GABRR3: variants seen among roughly 807,000 people sequenced by gnomAD.
The protein encoded by GABRR3 is gamma-aminobutyric acid receptor subunit rho-3.
In GABRR3, 29 loss-of-function variants were observed where a neutral mutation model predicts 43.2. The ratio of observed to expected loss-of-function variants is 0.67; its 90% confidence interval spans 0.50 to 0.92. The LOEUF (loss-of-function observed/expected upper bound fraction) is 0.92. Among genes scored for constraint, GABRR3 ranks in the 40% least tolerant of loss-of-function variants. The pLI is 0.00. For missense variants in GABRR3, 576 were observed against 572.3 expected, an observed-to-expected ratio of 1.01 and a Z score of -0.07; for synonymous variants, 206 against 195.9, an observed-to-expected ratio of 1.05 and a Z score of -0.43.
intron 3 of GABRR3, among the ~76,000 whole-genome samples, chr3:98,023,713 T>C (rs1279027417): frequency 6.6e-6 from 1 of 152,210 alleles, no homozygotes; most frequent in Non-Finnish European, 1.5e-5. Context: ...TAAACCTGCT[T>C]CATCTCAAGG....
intron 7 of GABRR3, among the ~76,000 whole-genome samples, chr3:98,007,179 G>A (rs181224747): frequency 9.9e-5 from 15 of 152,200 alleles, no homozygotes; most frequent in Admixed American, 9.8e-4. Context: ...TGTTTTACAC[G>A]GGGTTGGTTT....
At chr3:98,027,258 C>T (rs898293786) in intron 2 of GABRR3, among the ~76,000 whole-genome samples, 1 of 152,178 alleles carries the variant, frequency 6.6e-6, no homozygotes, top group Admixed American at 6.5e-5. Context: ...GGCCCTATGC[C>T]TAGAGCTTCT....
chr3:98,025,851 T>G (rs1300035726), intron 2 of GABRR3, among the ~76,000 whole-genome samples, 172 bp from the exon 3 acceptor site: 1 of 152,238 alleles, frequency 6.6e-6, no homozygotes, highest in African/African-American at 2.4e-5. Context: ...CTTTATTATA[T>G]AAGTGTGGAG....
At chr3:98,033,055 G>A (rs1344740296) in intron 2 of GABRR3, among the ~76,000 whole-genome samples, 2 of 152,140 alleles carry the variant, frequency 1.3e-5, no homozygotes, top group Admixed American at 6.6e-5. Flanking sequence ...GCATGACAGA[G>A]TGCTTGAATG....
At chr3:98,026,227 C>T (rs528828511) in intron 2 of GABRR3, among the ~76,000 whole-genome samples, 11 of 152,302 alleles carry the variant, frequency 7.2e-5, no homozygotes, top group African/African-American at 2.2e-4. Flanking sequence ...AGGCTGAGAG[C>T]GCACCGGGCA....
chr3:97,998,089 T>G (rs1274891811), intron 8 of GABRR3: 1 of 151,962 alleles, frequency 6.6e-6, no homozygotes, highest in African/African-American at 2.4e-5. Context: ...AAAAAAAACT[T>G]AAGAAAAACA....
chr3:97,992,934 A>T (rs1379194126), exon 9 of GABRR3: 1 of 1,613,632 alleles, frequency 6.2e-7, no homozygotes, highest in East Asian at 2.2e-5. Context: ...TGACAGGAAC[A>T]CAAAGAGGGA....
At chr3:98,034,912 T>C (rs986616384) in exon 2 of GABRR3, 3 of 1,613,234 alleles carry the variant, frequency 1.9e-6, no homozygotes, top group South Asian at 1.1e-5. Flanking sequence ...ATCTTGATGT[T>C]AGAAGCAGCA....
At chr3:98,024,191 C>T (rs1345408622) in intron 3 of GABRR3, among the ~76,000 whole-genome samples, 1 of 152,074 alleles carries the variant, frequency 6.6e-6, no homozygotes, top group African/African-American at 2.4e-5. Context: ...AACCCTCTCT[C>T]TACTAAAACA....
intron 5 of GABRR3, among the ~76,000 whole-genome samples, chr3:98,012,009 T>G (rs1706798564): frequency 6.6e-6 from 1 of 152,136 alleles, no homozygotes; most frequent in Non-Finnish European, 1.5e-5. Context: ...CAAAACTGCT[T>G]GGTGGGGTGC....
At chr3:98,021,703 C>G in intron 3 of GABRR3, among the ~76,000 whole-genome samples, 1 of 152,000 alleles carries the variant, frequency 6.6e-6, no homozygotes, top group Non-Finnish European at 1.5e-5. Flanking sequence ...AAATATTAAC[C>G]ATTACGATGA....
At chr3:98,022,870 T>C (rs1474214548) in intron 3 of GABRR3, among the ~76,000 whole-genome samples, 1 of 152,188 alleles carries the variant, frequency 6.6e-6, no homozygotes, top group African/African-American at 2.4e-5. Context: ...AAATGCATTT[T>C]CATTTAAAAA....
At chr3:98,014,304 A>C (rs1234079820) in intron 4 of GABRR3, among the ~76,000 whole-genome samples, 1 of 152,204 alleles carries the variant, frequency 6.6e-6, no homozygotes, top group African/African-American at 2.4e-5. Context: ...ACGCCAGGAG[A>C]GGGGAAATAA....
At chr3:98,005,287 T>A (rs1199139372) in intron 7 of GABRR3, among the ~76,000 whole-genome samples, 1 of 151,986 alleles carries the variant, frequency 6.6e-6, no homozygotes, top group Non-Finnish European at 1.5e-5. Flanking sequence ...CTCATAAATA[T>A]GTATACATAC....
intron 8 of GABRR3, among the ~76,000 whole-genome samples, chr3:97,996,442 T>G (rs1186655558): frequency 2.0e-5 from 3 of 152,140 alleles, no homozygotes; most frequent in Admixed American, 6.5e-5. Context: ...GCCTAAGTAT[T>G]CACTTTTCCA....
intron 7 of GABRR3, among the ~76,000 whole-genome samples, chr3:98,006,253 A>G (rs911646144): frequency 6.6e-6 from 1 of 152,192 alleles, no homozygotes; most frequent in Non-Finnish European, 1.5e-5. Context: ...CATTCATTCA[A>G]TAATTAGCCT....
chr3:97,991,708 A>G (rs1706469203), intron 9 of GABRR3, among the ~76,000 whole-genome samples: 1 of 152,172 alleles, frequency 6.6e-6, no homozygotes. Context: ...TAGAGATAAT[A>G]ATCTCTGTAA....
chr3:98,025,556 A>T lies in GABRR3; in HGVS notation c.238+11T>A. ...GGGTTTTGAAATGAATTTTGAGAGGATAATACTCACCTCCAAATCCAGGTC... is the reference window on the plus strand; with the variant it reads ...GGGTTTTGAAATGAATTTTGAGAGGTTAATACTCACCTCCAAATCCAGGTC... On this transcript the variant is annotated intron_variant, in intron 3 of 9. Transcript: ENST00000621172. 1 of 1,570,230 alleles carries T rather than the reference A, an allele frequency of 6.4e-7. No individual in the cohort carries two copies. Among genetic ancestry groups the T allele is most frequent in the Non-Finnish European group, 8.7e-7 (1 of 1,147,264 alleles).
rs796540359 is a variant in GABRR3, at chr3:98,004,678, G to GA, written c.755-2912dup. ...TGGCAACGGTAGTGGTGAAGGCCAA[G>GA]AAAAAAAAAAAAACACCCTGTTGTT... On this transcript the variant is annotated intron_variant, in intron 7 of 9. Coordinates refer to ENST00000621172, the Ensembl canonical transcript of GABRR3. Among the ~76,000 whole-genome samples, 486 of 125,666 alleles carry GA rather than the reference G, an allele frequency of 3.9e-3. 1 individual carries two copies. Among genetic ancestry groups the GA allele is most frequent in the South Asian group, 5.6e-3 (22 of 3,942 alleles). 82.4% of individuals were successfully genotyped at this position (125,666 alleles called of 152,430 possible). A position where few individuals can be genotyped will look rare whatever the true frequency, so the allele number is the denominator to read the frequency against.
Sources: gnomAD v4.1 joint callset for allele counts (sites outside exome capture counted in the v4.1 genomes callset) on GRCh38, gnomAD v4.1.1 for gene constraint, MANE v1.5 for transcripts, NCBI Gene and HGNC (gene_info 2026-07-23, HGNC 2026-07-21) for gene names.